The following THEM4 variants were observed in gnomAD, a reference collection of about 807,000 sequenced individuals.
The protein encoded by THEM4 is acyl-coenzyme A thioesterase THEM4.
THEM4 carries 22 observed loss-of-function variants against 25.0 expected under a neutral mutation model. The observed-to-expected ratio is 0.88, with a 90% CI of 0.63 to 1.26. The LOEUF is 1.26. THEM4 is among the 50% of genes most tolerant of loss of function. The pLI, the probability that THEM4 is intolerant of heterozygous loss-of-function variation, is 0.00. For missense variants in THEM4, 286 were observed against 300.3 expected (o/e 0.95, Z 0.35); for synonymous variants, 113 against 105.6 (o/e 1.07, Z -0.43).
At chr1:151,894,718 G>A (rs967093837) in intron 2 of THEM4, 34 of 560,464 alleles carry the variant, frequency 6.1e-5, no homozygotes, top group African/African-American at 2.3e-4. Context: ...GCCTCAAGAC[G>A]GAGAGGTGAT....
Position 151,874,740 on chromosome 1 carries a change from A to G in THEM4, c.*148T>C. 1 of 739,822 alleles carries G rather than the reference A, an allele frequency of 1.4e-6. No homozygotes were observed. The highest frequency in any genetic ancestry group is 1.6e-5 in the South Asian group (1 of 60,912). The allele number at this position is 739,822 out of a possible 1,614,324, so 45.8% of individuals were successfully genotyped here. On this transcript the variant is annotated 3_prime_UTR_variant, in exon 6 of 6. Transcript: ENST00000368814. ...AAAAAGTTGAGAAGATGGAAACTGA[A>G]TCCTCTTTGTATTCAGAAGGCTGTT...
Position 151,895,042 on chromosome 1 carries a change from A to G in THEM4, c.252T>C (p.Thr84=), listed in dbSNP as rs947301295. The G allele has an allele frequency of 2.0e-5, 32 of 1,614,048 alleles. No individual in the cohort carries two copies. Among genetic ancestry groups the G allele is most frequent in the Non-Finnish European group, 2.2e-5 (26 of 1,180,040 alleles). Residue 84 remains threonine, a synonymous_variant, in exon 2 of 6, where the codon ACT becomes ACC. Transcript: ENST00000368814. The part of the protein sequence containing the change: ...KRLPSYKRTP[T]EWIQDFKTHF... ...GGGTTTTGAAGTCTTGAATCCATTC[A>G]GTAGGTGTACGTTTATATGAAGGCA...
intron 5 of THEM4, among the ~76,000 whole-genome samples, chr1:151,875,375 C>A (rs1653649293): frequency 1.1e-5 from 1 of 93,516 alleles, no homozygotes; most frequent in South Asian, 4.3e-4. Flanking sequence ...AAATAAATTT[C>A]TTAAACAAGA....
chr1:151,886,678 G>A (rs894361242), intron 4 of THEM4, among the ~76,000 whole-genome samples: 1 of 152,026 alleles, frequency 6.6e-6, no homozygotes, highest in Non-Finnish European at 1.5e-5. Flanking sequence ...TATTAAAATT[G>A]TTAAAAGGAG....
intron 5 of THEM4, among the ~76,000 whole-genome samples, chr1:151,876,234 T>C (rs1653667603): frequency 6.6e-6 from 1 of 152,178 alleles, no homozygotes; most frequent in South Asian, 2.1e-4. Flanking sequence ...ACATACAATA[T>C]AGTTCATAGG....
chr1:151,888,736 G>A (rs2101722603), intron 3 of THEM4, among the ~76,000 whole-genome samples: 1 of 152,314 alleles, frequency 6.6e-6, no homozygotes, highest in East Asian at 1.9e-4. Flanking sequence ...ACTGAGGTGA[G>A]AGGATTGCTT....
chr1:151,899,720 G>C (rs113828754), intron 1 of THEM4, among the ~76,000 whole-genome samples: 3,759 of 152,204 alleles, frequency 0.025, 51 homozygotes, highest in African/African-American at 0.03. Context: ...CTAAAAGCTT[G>C]GAAAACATAT....
chr1:151,879,805 T>C (rs1042009846), intron 4 of THEM4, among the ~76,000 whole-genome samples: 2 of 150,786 alleles, frequency 1.3e-5, no homozygotes, highest in African/African-American at 2.4e-5. Flanking sequence ...TACAGGCACA[T>C]GCCACCATGC....
chr1:151,874,026 G>C lies in THEM4; in HGVS notation c.*862C>G, dbSNP rs1482303538. The C allele has an allele frequency of 6.6e-6, 1 of 152,244 alleles. No individual in the cohort carries two copies. The highest frequency in any genetic ancestry group is 2.4e-5 in the African/African-American group (1 of 41,460). The allele number at this position is 152,244 out of a possible 1,614,324, so 9.4% of individuals were successfully genotyped here. On this transcript the variant is annotated 3_prime_UTR_variant, in exon 6 of 6. Coordinates refer to ENST00000368814, the MANE Select transcript of THEM4 (RefSeq NM_053055.5). The stretch of plus-strand genomic sequence containing the variant: ...CCTTCCAGTGATGAAAACCTATGCT[G>C]TTGGTAAGAAACAACAGTACAGCCT...
chr1:151,906,826 G>C (rs191350080), intron 1 of THEM4, among the ~76,000 whole-genome samples: 2 of 152,094 alleles, frequency 1.3e-5, no homozygotes, highest in Non-Finnish European at 1.5e-5. Context: ...TGGTGTGGAC[G>C]TGGAGAACCT....
Position 151,889,277 on chromosome 1 carries a change from T to C in THEM4, c.383A>G (p.Asn128Ser), listed in dbSNP as rs762037980. The change falls in exon 3 of 6, where the codon AAT becomes AGT. Residue 128 changes from asparagine (N) to serine (S), a missense_variant. Physicochemically the swap from Asn to Ser is conservative, Grantham distance 46. Coordinates refer to ENST00000368814, the MANE Select transcript of THEM4 (RefSeq NM_053055.5). ...GCAAACCATCCTTTTCTCAATGTCA[T>C]TGTAGAACATCACGTATTCAAAGCC... The part of the protein sequence containing the change: ...GLGFEYVMFY[N>S]DIEKRMVCLF... 18 of 1,613,976 alleles carry C rather than the reference T, an allele frequency of 1.1e-5. No individual in the cohort carries two copies. Among genetic ancestry groups the C allele is most frequent in the South Asian group, 4.4e-5 (4 of 91,084 alleles).
At chr1:151,900,141 G>T (rs1440742365) in intron 1 of THEM4, among the ~76,000 whole-genome samples, 1 of 152,048 alleles carries the variant, frequency 6.6e-6, no homozygotes, top group Non-Finnish European at 1.5e-5. Flanking sequence ...ACCATTACAA[G>T]AACTGCTAAA....
intron 1 of THEM4, among the ~76,000 whole-genome samples, chr1:151,900,859 T>G (rs1264255344): frequency 6.6e-6 from 1 of 152,056 alleles, no homozygotes; most frequent in African/African-American, 2.4e-5. Flanking sequence ...ATGGCCATGA[T>G]GCCCATGCTG....
intron 1 of THEM4, among the ~76,000 whole-genome samples, chr1:151,901,786 T>C (rs1174340246): frequency 2.0e-5 from 3 of 152,026 alleles, no homozygotes; most frequent in East Asian, 3.9e-4. Flanking sequence ...GAGGTTGCAG[T>C]GAGCTGAGAT....
intron 1 of THEM4, among the ~76,000 whole-genome samples, chr1:151,902,629 G>A (rs986320919): frequency 3.3e-5 from 5 of 152,022 alleles, no homozygotes; most frequent in Admixed American, 3.3e-4. Flanking sequence ...AATACCACCT[G>A]TACCTGAATA....
At chr1:151,890,139 C>T in intron 2 of THEM4, 1 of 447,760 alleles carries the variant, frequency 2.2e-6, no homozygotes, top group Non-Finnish European at 4.5e-6. Context: ...CTCCCGAACT[C>T]AGGGATCCGC....
At chr1:151,900,278 C>G (rs56170235) in intron 1 of THEM4, among the ~76,000 whole-genome samples, 1 of 151,840 alleles carries the variant, frequency 6.6e-6, no homozygotes, top group Admixed American at 6.6e-5. Flanking sequence ...ATAAAAAAAA[C>G]CCCACAGTAC....
chr1:151,881,597 G>T (rs1297348529), intron 4 of THEM4, among the ~76,000 whole-genome samples: 1 of 152,158 alleles, frequency 6.6e-6, no homozygotes, highest in Non-Finnish European at 1.5e-5. Flanking sequence ...CATGATTTTA[G>T]ATCGACATTT....
At chr1:151,884,571 A>G (rs898983912) in intron 4 of THEM4, among the ~76,000 whole-genome samples, 2 of 152,194 alleles carry the variant, frequency 1.3e-5, no homozygotes, top group Non-Finnish European at 2.9e-5. Flanking sequence ...TTATCAGGGT[A>G]ATTTCTTCAG....
Sources: gnomAD v4.1 joint callset for allele counts (sites outside exome capture counted in the v4.1 genomes callset) on GRCh38, gnomAD v4.1.1 for gene constraint, MANE v1.5 for transcripts, NCBI Gene and HGNC (gene_info 2026-07-23, HGNC 2026-07-21) for gene names.